The following CYP2C19 variants were observed in gnomAD, a reference collection of about 807,000 sequenced individuals.
CYP2C19 encodes cytochrome P450 family 2 subfamily C member 19.
Under a neutral mutation model 40.9 loss-of-function variants are expected in CYP2C19, and 59 were observed. The observed-to-expected ratio is 1.44, with a 90% confidence interval of 1.17 to 1.79. The LOEUF is 1.79. Ranked by LOEUF, CYP2C19 falls within the 40% of genes most tolerant of loss-of-function variation. CYP2C19 has a pLI of 0.00. For synonymous variants in CYP2C19, 253 were observed against 208.7 expected (o/e 1.21, Z -1.83); for missense variants, 754 against 596.9 (o/e 1.26, Z -2.74).
At chr10:94,802,263 A>G (rs1848777323) in intron 5 of CYP2C19, among the ~76,000 whole-genome samples, 1 of 152,122 alleles carries the variant, frequency 6.6e-6, no homozygotes, top group South Asian at 2.1e-4. Flanking sequence ...CCTTTTGTAA[A>G]ACAGAAAAGT....
chr10:94,827,577 T>C (rs189996716), intron 6 of CYP2C19, among the ~76,000 whole-genome samples: 142 of 152,258 alleles, frequency 9.3e-4, no homozygotes, highest in Non-Finnish European at 1.3e-3. Flanking sequence ...GTCTTGCTAG[T>C]GGTCTATCAA....
rs1213106663 is a variant in CYP2C19 at position 94,780,739 on chromosome 10, G to A, written c.642+80G>A. 8 of 1,496,752 alleles carry A rather than the reference G, an allele frequency of 5.3e-6. No individual in the cohort carries two copies. The African/African-American group carries it at 5.6e-5, about 10-fold the overall frequency. The allele number at this position is 1,496,752 out of a possible 1,614,324, so 92.7% of individuals were successfully genotyped here. On this transcript the variant is annotated intron_variant, in intron 4 of 8. Transcript: ENST00000371321. ...AAATCCAAAATTCTATATTGACCAA[G>A]CCCTGAAGTACATTTTTGAATACTA... is the stretch of plus-strand genomic sequence containing the variant.
In CYP2C19 at chr10:94,854,434, G is replaced by C. The variant is rs1192017875; in HGVS notation, c.*1520G>C. On this transcript the variant is annotated 3_prime_UTR_variant, in exon 9 of 9. Transcript: ENST00000371321. ...TTATGCTATTGTCCTAATATAATTA[G>C]CCTCATGTCATCTCCAAAGCATAGA... Among the ~76,000 whole-genome samples, 1 of 151,862 alleles carries C rather than the reference G, an allele frequency of 6.6e-6. No homozygotes were observed. Among genetic ancestry groups the C allele is most frequent in the African/African-American group, 2.4e-5 (1 of 41,332 alleles).
Position 94,817,736 on chromosome 10 carries a change from G to A in CYP2C19, c.820-2760G>A, listed in dbSNP as rs189479422. Among the ~76,000 whole-genome samples the A allele has an allele frequency of 2.2e-3, 338 of 152,146 alleles. 1 individual carries two copies. The highest frequency in any genetic ancestry group is 3.4e-3 in the Non-Finnish European group (231 of 68,028). On this transcript the variant is annotated intron_variant, in intron 5 of 8. Coordinates refer to ENST00000371321, the MANE Select transcript of CYP2C19 (RefSeq NM_000769.4). ...AGGTCTAACGTTTAAATCTTTGGCC[G>A]GGTGCGGTGGCTCACACCTGTAATC... is the stretch of plus-strand genomic sequence containing the variant.
chr10:94,853,029 C>A lies in CYP2C19; in HGVS notation c.*115C>A. The A allele has an allele frequency of 8.7e-7, 1 of 1,154,162 alleles. No homozygotes were observed. The highest frequency in any genetic ancestry group is 1.2e-6 in the Non-Finnish European group (1 of 809,814). 71.5% of individuals were successfully genotyped at this position (1,154,162 alleles called of 1,614,324 possible). The stretch of plus-strand genomic sequence containing the variant: ...ACCCGTCATCTCACATTTTCCCTTC[C>A]CCCAAGATCTAGTGAACATTCAGCC... On this transcript the variant is annotated 3_prime_UTR_variant, in exon 9 of 9. Transcript: ENST00000371321.
At chr10:94,795,611 G>A (rs887399017) in intron 5 of CYP2C19, among the ~76,000 whole-genome samples, 2 of 152,058 alleles carry the variant, frequency 1.3e-5, no homozygotes, top group Non-Finnish European at 2.9e-5. Context: ...CTAGTTTACA[G>A]TCCCACCAAC....
intron 1 of CYP2C19, among the ~76,000 whole-genome samples, chr10:94,766,141 G>A (rs1389646051): frequency 6.6e-6 from 1 of 152,100 alleles, no homozygotes; most frequent in Admixed American, 6.5e-5. Flanking sequence ...ATTTGGTAAA[G>A]ATCCAGTTTT....
chr10:94,805,008 G>T (rs563710006), intron 5 of CYP2C19, among the ~76,000 whole-genome samples: 1 of 152,120 alleles, frequency 6.6e-6, no homozygotes, highest in Admixed American at 6.5e-5. Context: ...AACTACACAT[G>T]ATCTGAATTT....
At chr10:94,850,131 G>T in intron 8 of CYP2C19, 73 bp downstream of exon 8, 1 of 1,531,220 alleles carries the variant, frequency 6.5e-7, no homozygotes, top group Non-Finnish European at 9.0e-7. Flanking sequence ...ACTTACATGT[G>T]CCTTCTCTGC....
At chr10:94,804,689 A>G (rs552360045) in intron 5 of CYP2C19, among the ~76,000 whole-genome samples, 2 of 152,224 alleles carry the variant, frequency 1.3e-5, no homozygotes, top group African/African-American at 4.8e-5. Context: ...ACTTACTTTT[A>G]TCAGCTGAAT....
At chr10:94,845,093 C>A (rs933697077) in intron 7 of CYP2C19, among the ~76,000 whole-genome samples, 1 of 152,118 alleles carries the variant, frequency 6.6e-6, no homozygotes. Flanking sequence ...CCAATTCTAC[C>A]CTCTTTACAA....
chr10:94,802,416 T>C (rs1405587455), intron 5 of CYP2C19, among the ~76,000 whole-genome samples: 1 of 152,122 alleles, frequency 6.6e-6, no homozygotes, highest in South Asian at 2.1e-4. Context: ...CCCTGCTTTT[T>C]ATTGCTTTCT....
chr10:94,788,668 G>A (rs1268912853), intron 5 of CYP2C19, among the ~76,000 whole-genome samples: 1 of 152,162 alleles, frequency 6.6e-6, no homozygotes, highest in African/African-American at 2.4e-5. Flanking sequence ...TCCCTGCAAA[G>A]TATGTGAACT....
At chr10:94,829,381 C>G (rs143215313) in intron 6 of CYP2C19, among the ~76,000 whole-genome samples, 7,247 of 152,230 alleles carry the variant, frequency 0.048, 234 homozygotes, top group South Asian at 0.11. Flanking sequence ...TCTTTTTACT[C>G]TAAACTTCCC....
At chr10:94,784,765 T>A (rs1285741056) in intron 5 of CYP2C19, among the ~76,000 whole-genome samples, 1 of 151,958 alleles carries the variant, frequency 6.6e-6, no homozygotes, top group African/African-American at 2.4e-5. Context: ...AATTTTTATA[T>A]TTTTGGTAGA....
chr10:94,798,258 C>T (rs1848715556), intron 5 of CYP2C19, among the ~76,000 whole-genome samples: 1 of 152,150 alleles, frequency 6.6e-6, no homozygotes, highest in South Asian at 2.1e-4. Context: ...CCCCAGTAGT[C>T]ATTCAGGAGC....
At chr10:94,850,438 AC>A (rs1849635433) in intron 8 of CYP2C19, among the ~76,000 whole-genome samples, 1 of 151,872 alleles carries the variant, frequency 6.6e-6, no homozygotes, top group African/African-American at 2.4e-5. Flanking sequence ...GGTGTCCCTC[AC>A]CCCCTAGGCT....
At chr10:94,777,623 C>T (rs761880262) in intron 3 of CYP2C19, among the ~76,000 whole-genome samples, 1 of 152,138 alleles carries the variant, frequency 6.6e-6, no homozygotes, top group African/African-American at 2.4e-5. Context: ...AACTGGATCC[C>T]TTCCTTTCAT....
intron 1 of CYP2C19, among the ~76,000 whole-genome samples, chr10:94,766,065 C>T (rs1848237903): frequency 6.6e-6 from 1 of 152,190 alleles, no homozygotes; most frequent in South Asian, 2.1e-4. Flanking sequence ...ATGGAGAAGT[C>T]AGCTAATGAT....
Sources: allele counts gnomAD v4.1 joint callset (sites outside exome capture counted in the v4.1 genomes callset), GRCh38; gene constraint gnomAD v4.1.1; transcripts MANE v1.5; gene names NCBI Gene and HGNC (gene_info 2026-07-23, HGNC 2026-07-21).